The following MAML3 variants were observed in gnomAD, a reference collection of about 807,000 sequenced individuals.
The protein encoded by MAML3 is mastermind-like protein 3.
MAML3 carries 27 observed loss-of-function variants against 101.9 expected under a neutral mutation model. The observed-to-expected ratio is 0.27, with a 90% confidence interval of 0.20 to 0.37. MAML3 has a LOEUF of 0.37. Ranked by LOEUF, MAML3 falls within the 10% of genes least tolerant of loss-of-function variation. The probability of loss-of-function intolerance (pLI) is 1.00; values close to 1 mark genes in which losing one functional copy is unlikely to be tolerated. For missense variants in MAML3, 1,316 were observed against 1,444.9 expected, an observed-to-expected ratio of 0.91 and a Z score of 1.45; for synonymous variants, 501 against 555.9, an observed-to-expected ratio of 0.90 and a Z score of 1.39.
At chr4:140,017,681 A>T (rs1726663810) in intron 1 of MAML3, among the ~76,000 whole-genome samples, 1 of 141,994 alleles carries the variant, frequency 7.0e-6, no homozygotes, top group Non-Finnish European at 1.6e-5. Context: ...AAAAGAAAAA[A>T]CCTATCCCAA....
intron 2 of MAML3, among the ~76,000 whole-genome samples, chr4:139,801,644 G>C (rs13114089): frequency 3.9e-4 from 2 of 5,074 alleles, no homozygotes; most frequent in Admixed American, 2.9e-3. Context: ...GTGTGTGTGG[G>C]TGTGTGTGTG....
At chr4:139,849,063 T>C (rs773151317) in intron 2 of MAML3, among the ~76,000 whole-genome samples, 2 of 152,206 alleles carry the variant, frequency 1.3e-5, no homozygotes, top group African/African-American at 2.4e-5. Flanking sequence ...GCAATGTTCT[T>C]CCTGACATAT....
At chr4:140,036,028 T>C (rs1195978853) in intron 1 of MAML3, among the ~76,000 whole-genome samples, 1 of 152,166 alleles carries the variant, frequency 6.6e-6, no homozygotes, top group African/African-American at 2.4e-5. Flanking sequence ...AGGGAATAGA[T>C]TATACAGGAA....
intron 1 of MAML3, among the ~76,000 whole-genome samples, chr4:140,138,698 C>T (rs1728936416): frequency 6.6e-6 from 1 of 152,100 alleles, no homozygotes; most frequent in African/African-American, 2.4e-5. Flanking sequence ...GACTGAAGTC[C>T]CACAGTGGAT....
chr4:139,999,833 G>C (rs558791769), intron 1 of MAML3, among the ~76,000 whole-genome samples: 3 of 152,202 alleles, frequency 2.0e-5, no homozygotes, highest in African/African-American at 7.2e-5. Flanking sequence ...TTTAGGTTAA[G>C]CCATTTGGGG....
chr4:140,054,743 TCCCC>T, intron 1 of MAML3, among the ~76,000 whole-genome samples: 1 of 152,158 alleles, frequency 6.6e-6, no homozygotes, highest in Non-Finnish European at 1.5e-5. Context: ...GTATATCAGC[TCCCC>T]ACAGGCAGGG....
intron 1 of MAML3, among the ~76,000 whole-genome samples, chr4:140,060,566 T>C (rs1171320779): frequency 6.6e-6 from 1 of 151,928 alleles, no homozygotes; most frequent in Non-Finnish European, 1.5e-5. Flanking sequence ...AGCAAATGCA[T>C]AGAATGCCAT....
At chr4:140,146,540 T>C in intron 1 of MAML3, among the ~76,000 whole-genome samples, 1 of 152,322 alleles carries the variant, frequency 6.6e-6, no homozygotes, top group East Asian at 1.9e-4. Flanking sequence ...AATTAATCAG[T>C]TCTTGGTGAC....
chr4:140,102,649 G>A (rs531349761), intron 1 of MAML3, among the ~76,000 whole-genome samples: 1 of 152,304 alleles, frequency 6.6e-6, no homozygotes, highest in African/African-American at 2.4e-5. Flanking sequence ...TTGAGGATTA[G>A]GGTTTCAGCC....
chr4:140,133,867 C>T (rs1359335646), intron 1 of MAML3, among the ~76,000 whole-genome samples: 1 of 152,168 alleles, frequency 6.6e-6, no homozygotes, highest in Non-Finnish European at 1.5e-5. Flanking sequence ...CATAAAATGG[C>T]TGTATGTATA....
intron 1 of MAML3, among the ~76,000 whole-genome samples, chr4:140,101,316 A>G (rs1347598843): frequency 2.6e-5 from 4 of 152,162 alleles, no homozygotes; most frequent in African/African-American, 7.2e-5. Flanking sequence ...TTTCCTCTAA[A>G]GGGAGGAAAG....
chr4:139,914,202 G>A (rs1732984150), intron 1 of MAML3, among the ~76,000 whole-genome samples: 1 of 152,096 alleles, frequency 6.6e-6, no homozygotes, highest in South Asian at 2.1e-4. Flanking sequence ...TTTTGTGAAG[G>A]TCTTAAAAAC....
At chr4:140,068,151 G>A (rs1727571720) in intron 1 of MAML3, among the ~76,000 whole-genome samples, 1 of 152,152 alleles carries the variant, frequency 6.6e-6, no homozygotes, top group African/African-American at 2.4e-5. Flanking sequence ...GTGGTCACGA[G>A]CCCACCCAGA....
At chr4:139,724,001 G>GCAA (rs747452264) in intron 4 of MAML3, among the ~76,000 whole-genome samples, 10 of 152,182 alleles carry the variant, frequency 6.6e-5, no homozygotes, top group Non-Finnish European at 1.2e-4. Context: ...CTCTGTATCT[G>GCAA]CAACAACAAC....
intron 2 of MAML3, among the ~76,000 whole-genome samples, chr4:139,736,688 A>G (rs1044295324): frequency 6.6e-6 from 1 of 152,178 alleles, no homozygotes; most frequent in African/African-American, 2.4e-5. Flanking sequence ...GATCAAATGC[A>G]TTAGTCCCCA....
chr4:139,984,229 A>G (rs977712180), intron 1 of MAML3, among the ~76,000 whole-genome samples: 2 of 152,120 alleles, frequency 1.3e-5, no homozygotes, highest in African/African-American at 4.8e-5. Flanking sequence ...GATGGTTCGC[A>G]TGGGGTGGAG....
At chr4:140,119,308 C>A (rs1435159975) in intron 1 of MAML3, among the ~76,000 whole-genome samples, 1 of 152,180 alleles carries the variant, frequency 6.6e-6, no homozygotes, top group Non-Finnish European at 1.5e-5. Flanking sequence ...CATTTGCCCA[C>A]TCACTTCAGG....
intron 1 of MAML3, among the ~76,000 whole-genome samples, chr4:139,894,650 C>G (rs1480258977): frequency 6.6e-6 from 1 of 152,150 alleles, no homozygotes; most frequent in African/African-American, 2.4e-5. Flanking sequence ...ACATCAAACA[C>G]AGCCCATAGT....
intron 1 of MAML3, among the ~76,000 whole-genome samples, chr4:139,957,000 GA>G (rs1733928022): frequency 6.6e-6 from 1 of 152,162 alleles, no homozygotes; most frequent in South Asian, 2.1e-4. Context: ...TAAATGTCAA[GA>G]AGTGACATTT....
Sources: gnomAD v4.1 joint callset for allele counts (sites outside exome capture counted in the v4.1 genomes callset) on GRCh38, gnomAD v4.1.1 for gene constraint, MANE v1.5 for transcripts, NCBI Gene and HGNC (gene_info 2026-07-23, HGNC 2026-07-21) for gene names.